VPS13A: variants seen among roughly 807,000 people sequenced by gnomAD.
VPS13A encodes intermembrane lipid transfer protein VPS13A.
VPS13A carries 264 observed loss-of-function variants against 390.9 expected under a neutral mutation model. That is an observed-to-expected ratio of 0.68 (90% CI 0.61 to 0.75). The LOEUF (loss-of-function observed/expected upper bound fraction) is 0.75, where lower values mean the gene tolerates loss of function less well. VPS13A is among the 30% of genes least tolerant of loss of function. The pLI is 0.00. For synonymous variants in VPS13A, 1,231 were observed against 1,227.1 expected (o/e 1.00, Z -0.07); for missense variants, 3,409 against 3,733.9 (o/e 0.91, Z 2.27).
intron 10 of VPS13A, among the ~76,000 whole-genome samples, chr9:77,218,406 C>T (rs1403532761): frequency 1.3e-5 from 2 of 151,812 alleles, no homozygotes; most frequent in Non-Finnish European, 2.9e-5. Context: ...AGCCACTGCA[C>T]CCAGCCCTTT....
At chr9:77,223,587 A>G (rs985488993) in intron 13 of VPS13A, among the ~76,000 whole-genome samples, 18 of 152,210 alleles carry the variant, frequency 1.2e-4, no homozygotes, top group Admixed American at 6.5e-5. Context: ...TCTAAGCCTT[A>G]TCCAGTGCAA....
At chr9:77,291,358 T>C (rs969918172) in intron 31 of VPS13A, among the ~76,000 whole-genome samples, 3 of 152,152 alleles carry the variant, frequency 2.0e-5, no homozygotes, top group Non-Finnish European at 4.4e-5. Context: ...CAGCTCCCTG[T>C]TACCAAAAAG....
rs754212043 is a variant in VPS13A, at chr9:77,319,682, A to G, written c.5415+9A>G. On this transcript the variant is annotated intron_variant, in intron 42 of 71. Coordinates refer to ENST00000360280, the MANE Select transcript of VPS13A (RefSeq NM_033305.3). ...GGAATCTTGGTATCAAGGTATATCT[A>G]TATATGTCTATGTGTGTATATATAT... 1 of 1,402,280 alleles carries G rather than the reference A, an allele frequency of 7.1e-7. No homozygotes were observed. The highest frequency in any genetic ancestry group is 1.2e-5 in the South Asian group (1 of 85,758). The allele number at this position is 1,402,280 out of a possible 1,614,324, so 86.9% of individuals were successfully genotyped here. A position where few individuals can be genotyped will look rare whatever the true frequency, so the allele number is the denominator to read the frequency against.
intron 68 of VPS13A, among the ~76,000 whole-genome samples, chr9:77,385,815 C>A (rs1444750661): frequency 6.6e-6 from 1 of 151,956 alleles, no homozygotes; most frequent in Non-Finnish European, 1.5e-5. Flanking sequence ...TTCTGAGTCT[C>A]CTCTAATTCT....
At chr9:77,326,583 A>C (rs1191230608) in intron 45 of VPS13A, among the ~76,000 whole-genome samples, 7 of 148,702 alleles carry the variant, frequency 4.7e-5, no homozygotes, top group African/African-American at 1.5e-4. Context: ...TTGTTTTTTT[A>C]TTTTCCATTG....
chr9:77,203,755 T>G (rs1332444380), intron 3 of VPS13A, among the ~76,000 whole-genome samples: 1 of 152,236 alleles, frequency 6.6e-6, no homozygotes, highest in East Asian at 1.9e-4. Context: ...TATAAATAAA[T>G]TAACCGTGTC....
intron 45 of VPS13A, among the ~76,000 whole-genome samples, chr9:77,327,364 C>T (rs1830066127): frequency 6.6e-6 from 1 of 152,094 alleles, no homozygotes. Flanking sequence ...AATAGTTGAA[C>T]ATGAATTTTG....
intron 52 of VPS13A, among the ~76,000 whole-genome samples, chr9:77,347,712 T>C (rs1831231903): frequency 6.6e-6 from 1 of 152,196 alleles, no homozygotes; most frequent in Non-Finnish European, 1.5e-5. Flanking sequence ...CATTTTCCAC[T>C]AGAATGAGTT....
intron 59 of VPS13A, among the ~76,000 whole-genome samples, 165 bp downstream of exon 59, chr9:77,360,806 G>T (rs1220709569): frequency 6.6e-6 from 1 of 152,004 alleles, no homozygotes; most frequent in African/African-American, 2.4e-5. Context: ...ATTTTCTGAT[G>T]ATAGAAAATT....
intron 23 of VPS13A, among the ~76,000 whole-genome samples, chr9:77,262,108 C>T (rs190775399): frequency 1.2e-4 from 19 of 152,160 alleles, no homozygotes; most frequent in African/African-American, 4.6e-4. Context: ...TTATGGTTGT[C>T]TAATTAAGGA....
At chr9:77,252,411 A>G (rs1448632746) in intron 22 of VPS13A, 59 bp downstream of exon 22, 2 of 1,330,782 alleles carry the variant, frequency 1.5e-6, no homozygotes, top group Admixed American at 1.7e-5. Flanking sequence ...TAGCTAGGGA[A>G]ATACCATACT....
At chr9:77,371,689 G>T (rs948585110) in intron 67 of VPS13A, among the ~76,000 whole-genome samples, 3 of 151,374 alleles carry the variant, frequency 2.0e-5, no homozygotes, top group Admixed American at 1.3e-4. Flanking sequence ...TAAGTTTTAG[G>T]GTACATGTGC....
At chr9:77,301,067 A>G (rs1243132357) in intron 33 of VPS13A, among the ~76,000 whole-genome samples, 1 of 152,256 alleles carries the variant, frequency 6.6e-6, no homozygotes, top group African/African-American at 2.4e-5. Context: ...GGTGTATTTT[A>G]TCCATATATT....
At position 77,315,411 on chromosome 9, in the gene VPS13A, C is replaced by G; in HGVS notation, c.4571C>G (p.Ala1524Gly). 6.2e-7 allele frequency: 1 copy of G among 1,613,842 alleles called. No individual in the cohort carries two copies. Among genetic ancestry groups the G allele is most frequent in the Non-Finnish European group, 8.5e-7 (1 of 1,179,838 alleles). The change falls in exon 38 of 72, where the codon GCC (alanine) becomes GGC (glycine). Residue 1524 changes from alanine (A) to glycine (G), a missense_variant. By Grantham distance (60) the Ala-to-Gly change is moderately conservative (BLOSUM62 0). Coordinates refer to ENST00000360280, the MANE Select transcript of VPS13A (RefSeq NM_033305.3). ...LQTVANVFLE[A>G]YTTGTAVETS... ...ACTGTTGCAAATGTCTTTCTTGAGG[C>G]CTACACCACAGGCACTGCTGTAGAA...
At chr9:77,227,123 G>C (rs1823563155) in intron 15 of VPS13A, among the ~76,000 whole-genome samples, 1 of 152,138 alleles carries the variant, frequency 6.6e-6, no homozygotes. Context: ...GATTAGCACA[G>C]TGCTATTGTC....
intron 35 of VPS13A, among the ~76,000 whole-genome samples, chr9:77,309,588 A>G (rs910085734): frequency 1.3e-5 from 2 of 152,204 alleles, no homozygotes; most frequent in African/African-American, 4.8e-5. Context: ...AACAACTAAT[A>G]AAATAGAACA....
Position 77,228,877 on chromosome 9 carries a change from T to G in VPS13A, c.1595+613T>G, listed in dbSNP as rs117319640. On this transcript the variant is annotated intron_variant, in intron 17 of 71. Coordinates refer to ENST00000360280, the MANE Select transcript of VPS13A (RefSeq NM_033305.3). ...AGGAAGATACAAAAGCGGAAACCCC[T>G]GCTAAAAACCATCAGATCTCATGAG... Among the ~76,000 whole-genome samples the G allele has an allele frequency of 7.8e-3, 1,189 of 152,150 alleles. 6 individuals are homozygous for G. The highest frequency in any genetic ancestry group is 0.017 in the South Asian group (84 of 4,818).
intron 5 of VPS13A, 146 bp downstream of exon 5, chr9:77,206,225 G>A (rs1825631585): frequency 1.5e-6 from 1 of 668,214 alleles, no homozygotes; most frequent in South Asian, 2.0e-5. Context: ...ATTTTAATGT[G>A]GTTTGTATGC....
At chr9:77,324,354 A>AT (rs1389499343) in intron 45 of VPS13A, among the ~76,000 whole-genome samples, 2 of 152,136 alleles carry the variant, frequency 1.3e-5, no homozygotes, top group Non-Finnish European at 2.9e-5. Flanking sequence ...TGCCTTGTCC[A>AT]TTCTTTCACC....
Sources: gnomAD v4.1 joint callset for allele counts (sites outside exome capture counted in the v4.1 genomes callset) on GRCh38, gnomAD v4.1.1 for gene constraint, MANE v1.5 for transcripts, NCBI Gene and HGNC (gene_info 2026-07-23, HGNC 2026-07-21) for gene names.